EOLA1: variants seen among roughly 807,000 people sequenced by gnomAD.
EOLA1 encodes protein EOLA1.
A neutral mutation model predicts 4.5 loss-of-function variants in EOLA1; 1 was observed. The ratio of observed to expected loss-of-function variants is 0.22; its 90% CI spans 0.08 to 1.05. EOLA1 has a LOEUF of 1.05. Among genes scored for constraint, EOLA1 ranks in the 50% least tolerant of loss-of-function variants. The probability of loss-of-function intolerance (pLI) is 0.57; values close to 1 mark genes in which losing one functional copy is unlikely to be tolerated. For missense variants in EOLA1, 69 were observed against 127.2 expected, an observed-to-expected ratio of 0.54 and a Z score of 2.20; for synonymous variants, 37 against 52.3, an observed-to-expected ratio of 0.71 and a Z score of 1.26.
chrX:149,544,994 G>T, intron 2 of EOLA1: 1 of 721,009 alleles, frequency 1.4e-6, no homozygotes, highest in Non-Finnish European at 1.6e-6. Context: ...GGGGCTTGAG[G>T]AAGGTGGCAC....
At chrX:149,545,004 C>T (rs2089810833) in intron 2 of EOLA1, 1 of 704,450 alleles carries the variant, frequency 1.4e-6, no homozygotes, top group Non-Finnish European at 1.7e-6. Flanking sequence ...GAAGGTGGCA[C>T]CCAGAGGGGT....
At chrX:149,545,252 C>A (rs1408261422) in intron 2 of EOLA1, 116 bp from the exon 3 acceptor site, 1 of 758,267 alleles carries the variant, frequency 1.3e-6, no homozygotes, top group Non-Finnish European at 1.6e-6. Context: ...AACACCAGCC[C>A]GGACTCTCCA....
At chrX:149,544,892 G>A (rs1383702012) in intron 2 of EOLA1, 24 of 754,046 alleles carry the variant, frequency 3.2e-5, no homozygotes, top group Non-Finnish European at 3.4e-5. Context: ...CATGTGTGTG[G>A]GGTTGCTAGT....
chrX:149,545,981 T>G, intron 4 of EOLA1, 98 bp downstream of exon 4: 2 of 937,025 alleles, frequency 2.1e-6, no homozygotes, highest in Non-Finnish European at 3.0e-6. Flanking sequence ...CTGAACTGAT[T>G]GGCGTGTATA....
chrX:149,549,515 T>G, downstream of EOLA1: 1 of 1,102,950 alleles, frequency 9.1e-7, no homozygotes, highest in Non-Finnish European at 1.2e-6. Context: ...CTGGAAGAGA[T>G]CCTTGTCGAT....
chrX:149,544,721 A>G (rs2089802966), intron 2 of EOLA1: 1 of 752,860 alleles, frequency 1.3e-6, no homozygotes, highest in Non-Finnish European at 1.6e-6. Flanking sequence ...GAGGCTGGGC[A>G]AGAGTTGTGG....
chrX:149,543,879 A>G (rs1378739418), intron 2 of EOLA1, among the ~76,000 whole-genome samples: 1 of 80,932 alleles, frequency 1.2e-5, no homozygotes, highest in African/African-American at 4.9e-5. Context: ...GTGCCCAGCC[A>G]TGCTGGGGCT....
upstream of EOLA1, chrX:149,540,699 C>A (rs1353673225): frequency 9.1e-6 from 1 of 109,467 alleles, no homozygotes; most frequent in Non-Finnish European, 1.9e-5. Flanking sequence ...ACTTACTCTT[C>A]CTCCCTCCCG....
rs1432889382 is a variant in EOLA1, at chrX:149,547,745, C to G, written c.*783C>G. The G allele has an allele frequency of 3.2e-6, 1 of 308,267 alleles. No homozygotes were observed. Among genetic ancestry groups the G allele is most frequent in the Admixed American group, 1.1e-4 (1 of 8,772 alleles). 25.4% of individuals were successfully genotyped at this position (308,267 alleles called of 1,213,427 possible). A position where few individuals can be genotyped will look rare whatever the true frequency, so the allele number is the denominator to read the frequency against. On this transcript the variant is annotated 3_prime_UTR_variant, in exon 5 of 5. Coordinates refer to ENST00000393985, the MANE Select transcript of EOLA1 (RefSeq NM_001171907.3). Reference sequence around the variant, plus strand: ...TATCCATGAGGATGATGGGCATTTCCCCCCAGGTATTGACTGCAGTGGCCC... The same window carrying G: ...TATCCATGAGGATGATGGGCATTTCGCCCCAGGTATTGACTGCAGTGGCCC...
At chrX:149,549,220 T>C (rs1243171931), downstream of EOLA1, 30 of 1,031,716 alleles carry the variant, frequency 2.9e-5, no homozygotes, top group Non-Finnish European at 3.7e-5. Flanking sequence ...TTAAGTTCTA[T>C]ACTTTTCATC....
In EOLA1 at chrX:149,543,578, T is replaced by C. The variant is rs370512545; in HGVS notation, c.-163+1493T>C. ...ATTGGGATTGTGGCCATAGAGATTA[T>C]GGAAAGGGATCAGATTCAATGTCGG... is the stretch of plus-strand genomic sequence containing the variant. On this transcript the variant is annotated intron_variant, in intron 2 of 4. Coordinates refer to ENST00000393985, the MANE Select transcript of EOLA1 (RefSeq NM_001171907.3). 7.4e-4 allele frequency among the ~76,000 whole-genome samples: 63 copies of C among 85,449 alleles called. 1 individual carries two copies. In the East Asian group the frequency reaches 0.018, roughly 25 times the overall value. The allele number at this position is 85,449 out of a possible 115,157, so 74.2% of individuals were successfully genotyped here.
chrX:149,546,774 G>A lies in EOLA1; in HGVS notation c.289G>A (p.Glu97Lys), dbSNP rs147733282. ...CATTGGGGAAACTTTGCAATGCCCC[G>A]AAGACTTAACTCCCGATGAGGTTGT... ...VDIGETLQCP[E>K]DLTPDEVVEL... The change falls in exon 5 of 5, where the codon GAA (glutamate) becomes AAA (lysine). Residue 97 changes from glutamate to lysine, a missense_variant. Glu to Lys is a moderately conservative substitution (Grantham distance 56, BLOSUM62 1). Coordinates refer to ENST00000393985, the MANE Select transcript of EOLA1 (RefSeq NM_001171907.3). 556 of 1,206,787 alleles carry A rather than the reference G, an allele frequency of 4.6e-4. 2 individuals are homozygous for A. Among genetic ancestry groups the A allele is most frequent in the Non-Finnish European group, 5.9e-4 (532 of 894,271 alleles).
intron 1 of EOLA1, chrX:149,541,644 A>C (rs1392437406): frequency 1.7e-5 from 6 of 354,162 alleles, no homozygotes; most frequent in Non-Finnish European, 2.2e-5. Context: ...TGACCTACCC[A>C]GAATTAAGCT....
chrX:149,545,831 G>T lies in EOLA1; in HGVS notation c.201G>T (p.Gln67His). The change falls in exon 4 of 5, where the codon CAG becomes CAT. Residue 67 changes from glutamine to histidine, a missense_variant. By Grantham distance (24) the Gln-to-His change is conservative (BLOSUM62 0). Coordinates refer to ENST00000393985, the MANE Select transcript of EOLA1 (RefSeq NM_001171907.3). ...AGAGACTCGGGATGACTCCTGCTCA[G>T]ATTCAGGCCTTGCTCAGGAAAGGGG... ...LVERLGMTPA[Q>H]IQALLRKGEK... is the part of the protein sequence containing the mutation. The T allele has an allele frequency of 8.3e-7, 1 of 1,211,519 alleles. No homozygotes were observed. The highest frequency in any genetic ancestry group is 1.7e-5 in the African/African-American group (1 of 57,836).
intron 2 of EOLA1, chrX:149,544,742 C>T: frequency 1.3e-6 from 1 of 751,622 alleles, no homozygotes; most frequent in African/African-American, 2.3e-5. Context: ...GAAGTCAGAG[C>T]CCGTGTGACT....
In EOLA1 at chrX:149,544,663, C is replaced by T. The variant is rs611166; in HGVS notation, c.-162-705C>T. ...CAGGGTTCCTTCCAAGGCACAGGGC[C>T]GTCCTCCATGCAAGAGGAGGGGACC... On this transcript the variant is annotated intron_variant, in intron 2 of 4. Transcript: ENST00000393985. 61 of 751,182 alleles carry T rather than the reference C, an allele frequency of 8.1e-5. No homozygotes were observed. In the East Asian group the frequency reaches 1.7e-3, roughly 21 times the overall value. The allele number at this position is 751,182 out of a possible 1,213,427, so 61.9% of individuals were successfully genotyped here.
rs1195400405 is a variant in EOLA1, at chrX:149,547,396, A to T, written c.*434A>T. 1 of 773,857 alleles carries T rather than the reference A, an allele frequency of 1.3e-6. No homozygotes were observed. Among genetic ancestry groups the T allele is most frequent in the Non-Finnish European group, 1.5e-6 (1 of 652,095 alleles). 63.8% of individuals were successfully genotyped at this position (773,857 alleles called of 1,213,427 possible). On this transcript the variant is annotated 3_prime_UTR_variant, in exon 5 of 5. Coordinates refer to ENST00000393985, the MANE Select transcript of EOLA1 (RefSeq NM_001171907.3). ...CAAATGTGTAACTAGCATCCAGGCGACAATACAGAAAGTCTGGGACCTGGC... is the reference window on the plus strand; with the variant it reads ...CAAATGTGTAACTAGCATCCAGGCGTCAATACAGAAAGTCTGGGACCTGGC...
In EOLA1 at chrX:149,544,753, G is replaced by A. The variant is rs1337106646; in HGVS notation, c.-162-615G>A. 8.0e-6 allele frequency: 6 copies of A among 748,358 alleles called. No homozygotes were observed. In the African/African-American group the frequency reaches 1.2e-4, roughly 15 times the overall value. The allele number at this position is 748,358 out of a possible 1,213,427, so 61.7% of individuals were successfully genotyped here. A position where few individuals can be genotyped will look rare whatever the true frequency, so the allele number is the denominator to read the frequency against. On this transcript the variant is annotated intron_variant, in intron 2 of 4. Transcript: ENST00000393985. ...GTGGGAAGTCAGAGCCCGTGTGACT[G>A]TGGGCTGGTGCCTCATTCTCCTCAG...
At chrX:149,544,589 T>C in intron 2 of EOLA1, 1 of 751,660 alleles carries the variant, frequency 1.3e-6, no homozygotes, top group Non-Finnish European at 1.6e-6. Flanking sequence ...ATGTGGAAAC[T>C]GAGGCATCTC....
Sources: allele counts gnomAD v4.1 joint callset (sites outside exome capture counted in the v4.1 genomes callset), GRCh38; gene constraint gnomAD v4.1.1; transcripts MANE v1.5; gene names NCBI Gene and HGNC (gene_info 2026-07-23, HGNC 2026-07-21).